Variants in TMEM132B observed in about 807,000 individuals in gnomAD.
TMEM132B encodes transmembrane protein 132B.
In TMEM132B, 18 loss-of-function variants were observed where a neutral mutation model predicts 90.8. The observed-to-expected ratio is 0.20, with a 90% CI of 0.14 to 0.29. The LOEUF is 0.29. TMEM132B is among the 10% of genes least tolerant of loss of function. The pLI, the probability that TMEM132B is intolerant of heterozygous loss-of-function variation, is 1.00. For synonymous variants in TMEM132B, 504 were observed against 523.3 expected, an observed-to-expected ratio of 0.96 and a Z score of 0.50; for missense variants, 1,096 against 1,326.8, an observed-to-expected ratio of 0.83 and a Z score of 2.70.
chr12:125,391,233 A>G (rs1879008893), intron 2 of TMEM132B, among the ~76,000 whole-genome samples: 1 of 152,184 alleles, frequency 6.6e-6, no homozygotes, highest in Non-Finnish European at 1.5e-5. Context: ...GCTGCAGGTC[A>G]TCCGCGGTTA....
At chr12:125,378,320 G>T (rs913822318) in intron 2 of TMEM132B, among the ~76,000 whole-genome samples, 2 of 152,240 alleles carry the variant, frequency 1.3e-5, no homozygotes, top group African/African-American at 4.8e-5. Flanking sequence ...CCATGGACCA[G>T]CTGTGAGCTG....
At chr12:125,322,203 C>T (rs1312214127) in intron 1 of TMEM132B, among the ~76,000 whole-genome samples, 1 of 152,184 alleles carries the variant, frequency 6.6e-6, no homozygotes, top group Non-Finnish European at 1.5e-5. Flanking sequence ...GTTCTCGTGA[C>T]AGTGAATAAA....
chr12:125,455,635 C>T (rs919463768), intron 3 of TMEM132B, among the ~76,000 whole-genome samples: 1 of 150,398 alleles, frequency 6.6e-6, no homozygotes, highest in Non-Finnish European at 1.5e-5. Flanking sequence ...TTCTACACGT[C>T]GTTGTCCAGG....
intron 3 of TMEM132B, among the ~76,000 whole-genome samples, chr12:125,514,594 A>C (rs1042539530): frequency 6.6e-6 from 1 of 152,248 alleles, no homozygotes; most frequent in Non-Finnish European, 1.5e-5. Context: ...ATGTGGGGAA[A>C]GTGTTACCAT....
intron 2 of TMEM132B, among the ~76,000 whole-genome samples, chr12:125,352,859 G>A (rs1877634968): frequency 6.6e-6 from 1 of 152,194 alleles, no homozygotes; most frequent in African/African-American, 2.4e-5. Context: ...TCCCAAGTAG[G>A]TTTTGTAGCC....
chr12:125,419,653 G>A lies in TMEM132B; in HGVS notation c.1106+3976G>A, dbSNP rs549184526. Among the ~76,000 whole-genome samples the A allele has an allele frequency of 4.6e-5, 7 of 152,122 alleles. No individual in the cohort carries two copies. The South Asian group carries it at 6.2e-4, about 14-fold the overall frequency. ...CCATCCCTGGCCCTTCCCAAATCTC[G>A]TGTCCTCACATTTCAAAACCAGTCA... is the stretch of plus-strand genomic sequence containing the variant. On this transcript the variant is annotated intron_variant, in intron 3 of 8. Transcript: ENST00000682704.
intron 3 of TMEM132B, among the ~76,000 whole-genome samples, chr12:125,437,544 C>T (rs1444117319): frequency 1.3e-5 from 2 of 151,308 alleles, no homozygotes; most frequent in African/African-American, 4.8e-5. Context: ...ATTTTGCATT[C>T]CTACCAGCGA....
At chr12:125,503,717 A>G (rs1300917328) in intron 3 of TMEM132B, among the ~76,000 whole-genome samples, 1 of 152,178 alleles carries the variant, frequency 6.6e-6, no homozygotes, top group Non-Finnish European at 1.5e-5. Flanking sequence ...TGGGTAGATG[A>G]GCAGTCTTGT....
intron 1 of TMEM132B, among the ~76,000 whole-genome samples, chr12:125,298,281 CA>C (rs1394897890): frequency 2.0e-5 from 3 of 151,324 alleles, no homozygotes; most frequent in African/African-American, 7.3e-5. Context: ...AAAATGAAAA[CA>C]AAAAAACCCC....
chr12:125,609,983 T>C (rs1885787811), intron 5 of TMEM132B, among the ~76,000 whole-genome samples: 1 of 150,214 alleles, frequency 6.7e-6, no homozygotes, highest in Non-Finnish European at 1.5e-5. Flanking sequence ...GTATTTTTTT[T>C]CTCTTTTCGT....
At chr12:125,485,883 G>C (rs926584067) in intron 3 of TMEM132B, among the ~76,000 whole-genome samples, 37 of 152,182 alleles carry the variant, frequency 2.4e-4, no homozygotes, top group Non-Finnish European at 4.1e-4. Flanking sequence ...ACCAATTAGA[G>C]TCCACCTCGA....
intron 4 of TMEM132B, among the ~76,000 whole-genome samples, chr12:125,560,831 CAAAAAAAAAAAAA>C (rs58083131): frequency 1.0e-4 from 3 of 29,252 alleles, no homozygotes; most frequent in South Asian, 4.0e-3. Context: ...GACTCTGTCT[CAAAAAAAAAAAAA>C]AAAAAAAAAA....
At chr12:125,250,371 C>G (rs76145700) in intron 1 of TMEM132B, among the ~76,000 whole-genome samples, 3,664 of 152,366 alleles carry the variant, frequency 0.024, 164 homozygotes, top group African/African-American at 0.084. Flanking sequence ...CCTTGCTGTT[C>G]CATCTTGCAC....
At position 125,422,078 on chromosome 12, in the gene TMEM132B, C is replaced by G. The variant is rs186357348; in HGVS notation, c.1106+6401C>G. On this transcript the variant is annotated intron_variant, in intron 3 of 8. Coordinates refer to ENST00000682704, the MANE Select transcript of TMEM132B (RefSeq NM_001366854.1). ...ACAATTTTGTTTGATTCTGTTTGTCCATTTCTTATTTTATTTAAAAAATCT... is the reference window on the plus strand; with the variant it reads ...ACAATTTTGTTTGATTCTGTTTGTCGATTTCTTATTTTATTTAAAAAATCT... Among the ~76,000 whole-genome samples the G allele has an allele frequency of 2.6e-5, 4 of 152,264 alleles. No homozygotes were observed. The East Asian group carries it at 7.7e-4, about 29-fold the overall frequency.
At chr12:125,607,803 T>C (rs556908880) in intron 5 of TMEM132B, among the ~76,000 whole-genome samples, 1 of 152,366 alleles carries the variant, frequency 6.6e-6, no homozygotes, top group African/African-American at 2.4e-5. Context: ...TAACCTACTT[T>C]TGAGCTCCAT....
chr12:125,572,957 A>C (rs757393756), intron 4 of TMEM132B, among the ~76,000 whole-genome samples: 2 of 152,192 alleles, frequency 1.3e-5, no homozygotes, highest in Non-Finnish European at 1.5e-5. Flanking sequence ...CCAAACTGGA[A>C]GTGGGTGCCC....
chr12:125,229,875 G>C (rs1337149417), intron 1 of TMEM132B, among the ~76,000 whole-genome samples: 2 of 152,232 alleles, frequency 1.3e-5, no homozygotes, highest in East Asian at 3.8e-4. Flanking sequence ...TTGCTCGATA[G>C]ATTAATCATT....
Position 125,359,953 on chromosome 12 carries a change from C to G in TMEM132B, c.959+9610C>G, listed in dbSNP as rs552379110. 3.9e-5 allele frequency among the ~76,000 whole-genome samples: 6 copies of G among 152,332 alleles called. No homozygotes were observed. The East Asian group carries it at 7.7e-4, about 20-fold the overall frequency. On this transcript the variant is annotated intron_variant, in intron 2 of 8. Coordinates refer to ENST00000682704, the MANE Select transcript of TMEM132B (RefSeq NM_001366854.1). ...ATTAGCTGGGCGTGGTGGCACGTGCCTCTAGTCCCAGCTACTTGGGAGGCT... is the reference window on the plus strand; with the variant it reads ...ATTAGCTGGGCGTGGTGGCACGTGCGTCTAGTCCCAGCTACTTGGGAGGCT...
intron 1 of TMEM132B, among the ~76,000 whole-genome samples, chr12:125,312,986 A>G (rs1017043331): frequency 1.3e-5 from 2 of 152,188 alleles, no homozygotes; most frequent in African/African-American, 4.8e-5. Context: ...CTTTCCTGGA[A>G]GCCTGCACAT....
Sources: gnomAD v4.1 joint callset for allele counts (sites outside exome capture counted in the v4.1 genomes callset) on GRCh38, gnomAD v4.1.1 for gene constraint, MANE v1.5 for transcripts, NCBI Gene and HGNC (gene_info 2026-07-23, HGNC 2026-07-21) for gene names.